The following BSPH1 variants were observed in gnomAD, a reference collection of about 807,000 sequenced individuals.
BSPH1 encodes the protein binder of sperm 1.
In BSPH1, 21 loss-of-function variants were observed where a neutral mutation model predicts 22.5. That is an observed-to-expected ratio of 0.93 (90% CI 0.66 to 1.35). BSPH1 has a LOEUF of 1.35. Among genes scored for constraint, BSPH1 ranks in the 40% most tolerant of loss-of-function variants. The pLI is 0.00. For synonymous variants in BSPH1, 42 were observed against 53.6 expected (o/e 0.78, Z 0.95); for missense variants, 141 against 154.2 (o/e 0.91, Z 0.45).
intron 5 of BSPH1, among the ~76,000 whole-genome samples, chr19:47,976,416 G>A (rs572512889): frequency 6.4e-4 from 97 of 152,080 alleles, no homozygotes; most frequent in African/African-American, 2.2e-3. Context: ...ATGGGCATAA[G>A]CCACCACGCC....
chr19:47,977,631 T>C (rs1278805719), intron 3 of BSPH1, 127 bp from the exon 4 acceptor site: 1 of 1,457,560 alleles, frequency 6.9e-7, no homozygotes, highest in South Asian at 1.5e-5. Flanking sequence ...GTAAATGTTA[T>C]TGTGCTACTC....
intron 5 of BSPH1, 142 bp downstream of exon 5, chr19:47,976,568 C>T (rs960866541): frequency 2.2e-5 from 14 of 634,354 alleles, no homozygotes; most frequent in Admixed American, 3.5e-5. Flanking sequence ...AGATCACCTT[C>T]AACTCACATC....
At chr19:47,988,628 A>C (rs1969493630) in intron 1 of BSPH1, among the ~76,000 whole-genome samples, 1 of 152,050 alleles carries the variant, frequency 6.6e-6, no homozygotes. Context: ...TGCAAGATTC[A>C]CATTTTAGCA....
At chr19:47,989,873 C>G (rs1214749843) in intron 1 of BSPH1, among the ~76,000 whole-genome samples, 6 of 152,038 alleles carry the variant, frequency 3.9e-5, no homozygotes, top group African/African-American at 1.4e-4. Flanking sequence ...AATCCCAGCA[C>G]TTTGGGAGGC....
chr19:47,989,767 G>A (rs1969505761), intron 1 of BSPH1, among the ~76,000 whole-genome samples: 1 of 152,030 alleles, frequency 6.6e-6, no homozygotes, highest in African/African-American at 2.4e-5. Context: ...TGTCTGTATT[G>A]AATTCGACCA....
chr19:47,976,925 GCA>G, intron 4 of BSPH1, 71 bp from the exon 5 acceptor site: 1 of 1,340,782 alleles, frequency 7.5e-7, no homozygotes. Flanking sequence ...ACCACACCAT[GCA>G]CACACATGCA....
At chr19:47,969,565 A>G (rs889772508) in intron 5 of BSPH1, among the ~76,000 whole-genome samples, 1 of 152,154 alleles carries the variant, frequency 6.6e-6, no homozygotes, top group Admixed American at 6.6e-5. Context: ...AAAATGTAAT[A>G]TAAGGATATA....
intron 5 of BSPH1, among the ~76,000 whole-genome samples, chr19:47,968,995 T>C (rs922988355): frequency 2.3e-5 from 3 of 129,962 alleles, no homozygotes; most frequent in African/African-American, 5.6e-5. Context: ...CGAGACCCTA[T>C]CTCAGATTAA....
At chr19:47,982,240 G>A (rs1223432239) in intron 1 of BSPH1, among the ~76,000 whole-genome samples, 3 of 152,110 alleles carry the variant, frequency 2.0e-5, no homozygotes, top group Non-Finnish European at 4.4e-5. Context: ...ATTATAACTC[G>A]ACATATTCTG....
intron 5 of BSPH1, among the ~76,000 whole-genome samples, chr19:47,971,444 G>A (rs1969310773): frequency 4.6e-5 from 7 of 152,190 alleles, no homozygotes; most frequent in Admixed American, 4.6e-4. Context: ...GACCTCAGGT[G>A]ATCTGCCCGC....
intron 1 of BSPH1, among the ~76,000 whole-genome samples, chr19:47,991,261 C>T (rs916658770): frequency 4.6e-5 from 7 of 152,040 alleles, no homozygotes; most frequent in Non-Finnish European, 1.0e-4. Context: ...CCCCATGTGC[C>T]GGGCCATGCT....
At chr19:47,978,618 T>C (rs530910077) in intron 3 of BSPH1, among the ~76,000 whole-genome samples, 1 of 152,342 alleles carries the variant, frequency 6.6e-6, no homozygotes, top group South Asian at 2.1e-4. Flanking sequence ...TTGATGAATA[T>C]TGCTTTGTCA....
chr19:47,982,669 C>G (rs1969429803), intron 1 of BSPH1, among the ~76,000 whole-genome samples: 1 of 152,112 alleles, frequency 6.6e-6, no homozygotes, highest in African/African-American at 2.4e-5. Flanking sequence ...TTCATGGTAG[C>G]ATTATTCATA....
intron 5 of BSPH1, among the ~76,000 whole-genome samples, chr19:47,973,218 A>AAATAATAATAAT (rs60548503): frequency 1.4e-3 from 181 of 132,106 alleles, no homozygotes; most frequent in East Asian, 2.5e-3. Flanking sequence ...CTCCGTCTCA[A>AAATAATAATAAT]AATAATAATA....
chr19:47,983,005 A>G (rs1261205630), intron 1 of BSPH1, among the ~76,000 whole-genome samples: 1 of 152,172 alleles, frequency 6.6e-6, no homozygotes, highest in African/African-American at 2.4e-5. Flanking sequence ...TCAGTTTGGG[A>G]CAATGAAAAG....
At chr19:47,975,228 G>T (rs1445251072) in intron 5 of BSPH1, among the ~76,000 whole-genome samples, 3 of 152,134 alleles carry the variant, frequency 2.0e-5, no homozygotes, top group East Asian at 3.9e-4. Flanking sequence ...ATGAGGTCTT[G>T]CTATGTTGCC....
intron 1 of BSPH1, among the ~76,000 whole-genome samples, chr19:47,987,482 C>T (rs780105752): frequency 6.6e-6 from 1 of 151,336 alleles, no homozygotes; most frequent in Non-Finnish European, 1.5e-5. Context: ...ACTTCCCAGG[C>T]TCAAGTGATT....
chr19:47,991,659 G>GCTC (rs1372291675), intron 1 of BSPH1, among the ~76,000 whole-genome samples: 1 of 37,008 alleles, frequency 2.7e-5, no homozygotes, highest in African/African-American at 9.8e-5. Context: ...TCCTCCGTCT[G>GCTC]CTCCTCCTCC....
chr19:47,972,882 T>G (rs1304600696), intron 5 of BSPH1, among the ~76,000 whole-genome samples: 3 of 131,212 alleles, frequency 2.3e-5, no homozygotes, highest in African/African-American at 8.4e-5. Context: ...CACACGTACG[T>G]AATTGAGAGC....
Sources: gnomAD v4.1 joint callset for allele counts (sites outside exome capture counted in the v4.1 genomes callset) on GRCh38, gnomAD v4.1.1 for gene constraint, MANE v1.5 for transcripts, NCBI Gene and HGNC (gene_info 2026-07-23, HGNC 2026-07-21) for gene names.